GARRE1: variants seen among roughly 807,000 people sequenced by gnomAD.
GARRE1 encodes granule associated Rac and RHOG effector protein 1.
Under a neutral mutation model 103.2 loss-of-function variants are expected in GARRE1, and 49 were observed. The observed-to-expected ratio is 0.47, with a 90% CI of 0.38 to 0.60. GARRE1 has a LOEUF of 0.60. Among genes scored for constraint, GARRE1 ranks in the 20% least tolerant of loss-of-function variants. GARRE1 has a pLI of 0.00. For synonymous variants in GARRE1, 505 were observed against 532.8 expected (o/e 0.95, Z 0.72); for missense variants, 1,199 against 1,370.5 (o/e 0.87, Z 1.98).
intron 1 of GARRE1, among the ~76,000 whole-genome samples, chr19:34,257,884 CTTTTTTTTCTT>C (rs2073684788): frequency 1.6e-5 from 2 of 121,792 alleles, no homozygotes; most frequent in African/African-American, 3.9e-5. Context: ...TTTTCTTTTT[CTTTTTTTTCTT>C]TTTTTTTTTT....
intron 1 of GARRE1, among the ~76,000 whole-genome samples, chr19:34,278,707 CTG>C (rs1018961685): frequency 3.3e-5 from 5 of 151,882 alleles, no homozygotes; most frequent in African/African-American, 4.8e-5. Flanking sequence ...GACAGGGTCT[CTG>C]TCACCCAGGC....
At chr19:34,267,629 T>C (rs2073760425) in intron 1 of GARRE1, among the ~76,000 whole-genome samples, 1 of 152,180 alleles carries the variant, frequency 6.6e-6, no homozygotes, top group Non-Finnish European at 1.5e-5. Flanking sequence ...TTAGAAGTTT[T>C]GAAAACTTTT....
chr19:34,328,527 TAAA>T (rs71165650), intron 6 of GARRE1, among the ~76,000 whole-genome samples: 34 of 143,202 alleles, frequency 2.4e-4, no homozygotes, highest in Admixed American at 4.2e-4. Flanking sequence ...AACTCTGTCT[TAAA>T]AAAAAAAAAA....
intron 1 of GARRE1, among the ~76,000 whole-genome samples, chr19:34,294,352 G>C (rs931764601): frequency 3.3e-5 from 5 of 151,718 alleles, no homozygotes; most frequent in Non-Finnish European, 5.9e-5. Context: ...GAGCCCAGAA[G>C]GTCAAGGCTG....
intron 1 of GARRE1, among the ~76,000 whole-genome samples, chr19:34,259,175 ATAAG>A (rs2073697542): frequency 3.3e-5 from 5 of 152,234 alleles, no homozygotes. Context: ...CTCAAAATAA[ATAAG>A]TAAATAAATA....
At position 34,355,292 on chromosome 19, in the gene GARRE1, A is replaced by G. The variant is rs1319166780; in HGVS notation, c.*2337A>G. The G allele has an allele frequency of 6.6e-6, 1 of 152,660 alleles. No individual in the cohort carries two copies. The highest frequency in any genetic ancestry group is 1.5e-5 in the Non-Finnish European group (1 of 68,042). The allele number at this position is 152,660 out of a possible 1,614,324, so 9.5% of individuals were successfully genotyped here. On this transcript the variant is annotated 3_prime_UTR_variant, in exon 14 of 14. Coordinates refer to ENST00000299505, the MANE Select transcript of GARRE1 (RefSeq NM_014686.5). The stretch of plus-strand genomic sequence containing the variant: ...GTGTGAAGCCGTTTGTGTGGTCTCC[A>G]TGTAGGTGCTGTGTTCCCGGCACCG...
At chr19:34,347,242 C>T (rs972135802) in intron 10 of GARRE1, among the ~76,000 whole-genome samples, 2 of 152,234 alleles carry the variant, frequency 1.3e-5, no homozygotes, top group Non-Finnish European at 2.9e-5. Context: ...GCGCCTGCCA[C>T]CGAACCCAGC....
intron 1 of GARRE1, among the ~76,000 whole-genome samples, chr19:34,263,261 TAGAG>T (rs933855348): frequency 8.2e-5 from 9 of 110,026 alleles, no homozygotes; most frequent in African/African-American, 1.7e-4. Context: ...CCTCTCTCGA[TAGAG>T]AGATAGATAG....
chr19:34,327,944 G>C (rs1235441250), intron 5 of GARRE1, 46 bp from the exon 6 acceptor site: 35 of 1,613,772 alleles, frequency 2.2e-5, no homozygotes, highest in Non-Finnish European at 3.0e-5. Context: ...TGTTTTGACA[G>C]ATGAGCGATG....
intron 2 of GARRE1, among the ~76,000 whole-genome samples, chr19:34,302,302 T>TC (rs908953385): frequency 1.1e-4 from 16 of 143,888 alleles, no homozygotes; most frequent in African/African-American, 4.2e-4. Flanking sequence ...GTTTTTTTTT[T>TC]TTTTTTTTTT....
At chr19:34,295,869 A>T (rs1177225182) in intron 1 of GARRE1, among the ~76,000 whole-genome samples, 1 of 151,972 alleles carries the variant, frequency 6.6e-6, no homozygotes, top group African/African-American at 2.4e-5. Flanking sequence ...GTCCAGATTC[A>T]TTTTTTCATG....
Position 34,325,596 on chromosome 19 carries a change from C to A in GARRE1, c.706-1825C>A, listed in dbSNP as rs78513084. Among the ~76,000 whole-genome samples the A allele has an allele frequency of 3.7e-3, 569 of 152,334 alleles. 3 individuals are homozygous for A. Among genetic ancestry groups the A allele is most frequent in the African/African-American group, 0.013 (538 of 41,580 alleles). ...TGTCCCCTTCTTCCACGTCCTTCAT[C>A]GCTACCCTTGTTCAGGGAATCGTTA... On this transcript the variant is annotated intron_variant, in intron 3 of 13. Coordinates refer to ENST00000299505, the MANE Select transcript of GARRE1 (RefSeq NM_014686.5).
intron 12 of GARRE1, 112 bp downstream of exon 12, chr19:34,349,265 G>A: frequency 9.4e-7 from 1 of 1,058,832 alleles, no homozygotes; most frequent in Non-Finnish European, 1.4e-6. Flanking sequence ...CCCTGTGTGA[G>A]AGGAGGGGCT....
chr19:34,282,599 GT>G (rs1405102972), intron 1 of GARRE1, among the ~76,000 whole-genome samples: 1 of 152,038 alleles, frequency 6.6e-6, no homozygotes, highest in Non-Finnish European at 1.5e-5. Context: ...TGTCCTTTTG[GT>G]TTTCCTTCAC....
Position 34,341,414 on chromosome 19 carries a change from TTAAA to T in GARRE1, c.1488-5_1488-2del. On this transcript the variant is annotated splice_region_variant and splice_polypyrimidine_tract_variant and intron_variant, in intron 9 of 13. Transcript: ENST00000299505. Reference sequence around the variant, plus strand: ...TTTTTTTTTTTAAACAAATTTCTGTTTAAATAGGGAGCAAGCTTTACCCTGCATA... The same window carrying T: ...TTTTTTTTTTTAAACAAATTTCTGTTTAGGGAGCAAGCTTTACCCTGCATA... 1 of 1,595,898 alleles carries T rather than the reference TTAAA, an allele frequency of 6.3e-7. No homozygotes were observed. Among genetic ancestry groups the T allele is most frequent in the Non-Finnish European group, 8.5e-7 (1 of 1,174,644 alleles).
chr19:34,309,004 C>T (rs1476747132), intron 2 of GARRE1, among the ~76,000 whole-genome samples: 1 of 151,994 alleles, frequency 6.6e-6, no homozygotes, highest in African/African-American at 2.4e-5. Context: ...GACAGGTCAT[C>T]ACGTCTCCTG....
At chr19:34,311,714 G>C (rs981343821) in intron 2 of GARRE1, among the ~76,000 whole-genome samples, 1 of 152,022 alleles carries the variant, frequency 6.6e-6, no homozygotes, top group South Asian at 2.1e-4. Flanking sequence ...GGGTTTAGGC[G>C]ACTCTCCTGC....
chr19:34,291,482 C>G (rs752914062), intron 1 of GARRE1, among the ~76,000 whole-genome samples: 33 of 152,118 alleles, frequency 2.2e-4, no homozygotes, highest in Admixed American at 1.3e-3. Flanking sequence ...GCTCATGGTT[C>G]TGGGAAGTCC....
chr19:34,308,038 C>T (rs2074018908), intron 2 of GARRE1, among the ~76,000 whole-genome samples: 1 of 151,162 alleles, frequency 6.6e-6, no homozygotes, highest in Non-Finnish European at 1.5e-5. Context: ...ATGTGATTAC[C>T]TGTGAATATG....
Sources: allele counts gnomAD v4.1 joint callset (sites outside exome capture counted in the v4.1 genomes callset), GRCh38; gene constraint gnomAD v4.1.1; transcripts MANE v1.5; gene names NCBI Gene and HGNC (gene_info 2026-07-23, HGNC 2026-07-21).